The following PALM2AKAP2 variants were observed in gnomAD, a reference collection of about 807,000 sequenced individuals.
PALM2AKAP2 encodes the protein PALM2-AKAP2 fusion protein.
Under a neutral mutation model 71.5 loss-of-function variants are expected in PALM2AKAP2, and 37 were observed. The observed-to-expected ratio is 0.52, with a 90% CI of 0.40 to 0.68. The LOEUF (loss-of-function observed/expected upper bound fraction) is 0.68. Among genes scored for constraint, PALM2AKAP2 ranks in the 30% least tolerant of loss-of-function variants. The pLI is 0.00. For synonymous variants in PALM2AKAP2, 468 were observed against 478.8 expected, an observed-to-expected ratio of 0.98 and a Z score of 0.29; for missense variants, 1,224 against 1,191.8, an observed-to-expected ratio of 1.03 and a Z score of -0.40.
chr9:109,781,480 AG>A (rs1342764646), intron 1 of PALM2AKAP2, among the ~76,000 whole-genome samples: 1 of 152,264 alleles, frequency 6.6e-6, no homozygotes, highest in African/African-American at 2.4e-5. Context: ...TGTGTTTTTC[AG>A]TTCGGAAGTT....
intron 1 of PALM2AKAP2, among the ~76,000 whole-genome samples, chr9:110,095,566 T>A (rs530264452): frequency 1.3e-5 from 2 of 152,102 alleles, no homozygotes; most frequent in Non-Finnish European, 2.9e-5. Context: ...GACCCTCAGC[T>A]ATGAAAACAG....
rs79604742 is a variant in PALM2AKAP2 at position 109,858,772 on chromosome 9, G to A, written c.46-8719G>A. Among the ~76,000 whole-genome samples the A allele has an allele frequency of 1.1e-4, 16 of 152,222 alleles. No individual in the cohort carries two copies. In the East Asian group the frequency reaches 1.4e-3, roughly 13 times the overall value. On this transcript the variant is annotated intron_variant, in intron 1 of 9. Coordinates refer to the PALM2AKAP2 transcript ENST00000302798. The stretch of plus-strand genomic sequence containing the variant: ...GCTTATCAATGTGGTGTCATAAAGC[G>A]GGTCTTACTTTCTCATCAGAGCCCA...
At chr9:109,804,652 G>A (rs1256479580) in intron 1 of PALM2AKAP2, among the ~76,000 whole-genome samples, 1 of 152,154 alleles carries the variant, frequency 6.6e-6, no homozygotes, top group East Asian at 1.9e-4. Context: ...GCTAATGATG[G>A]TGGGGAAAAG....
intron 1 of PALM2AKAP2, among the ~76,000 whole-genome samples, chr9:109,710,951 A>G (rs74712583): frequency 0.044 from 6,443 of 146,602 alleles, 183 homozygotes; most frequent in Non-Finnish European, 0.055. Flanking sequence ...CGTGGCCACA[A>G]TTTGAAATCT....
intron 1 of PALM2AKAP2, among the ~76,000 whole-genome samples, chr9:109,648,769 G>A (rs1827186168): frequency 6.6e-6 from 1 of 152,164 alleles, no homozygotes; most frequent in African/African-American, 2.4e-5. Context: ...TTTCATCAAT[G>A]ACATCCTCTT....
At chr9:109,912,310 A>G (rs1830588741) in intron 3 of PALM2AKAP2, among the ~76,000 whole-genome samples, 1 of 143,822 alleles carries the variant, frequency 7.0e-6, no homozygotes, top group Admixed American at 7.0e-5. Context: ...TGACGTGAGG[A>G]AAAAAAAAAA....
At chr9:109,991,591 C>T (rs929503034) in intron 6 of PALM2AKAP2, among the ~76,000 whole-genome samples, 3 of 152,164 alleles carry the variant, frequency 2.0e-5, no homozygotes, top group African/African-American at 7.2e-5. Flanking sequence ...GTGTCACTTT[C>T]GAAGATTCTC....
rs533213150 is a variant in PALM2AKAP2, at chr9:109,717,077, G to A, written c.6-63411G>A. On this transcript the variant is annotated intron_variant, in intron 1 of 6. Transcript: ENST00000374531. ...CAGGCTGGTTGTGGGAGAAAGGCTT[G>A]GCTCCCACAGACAGCGCTGGCAAGT... Among the ~76,000 whole-genome samples, 3 of 152,104 alleles carry A rather than the reference G, an allele frequency of 2.0e-5. No homozygotes were observed. The South Asian group carries it at 6.2e-4, about 32-fold the overall frequency.
At chr9:110,064,896 G>A (rs1306656690) in intron 1 of PALM2AKAP2, among the ~76,000 whole-genome samples, 1 of 152,192 alleles carries the variant, frequency 6.6e-6, no homozygotes, top group Non-Finnish European at 1.5e-5. Flanking sequence ...CAGCCTATGA[G>A]ACAGGAAGAG....
intron 1 of PALM2AKAP2, among the ~76,000 whole-genome samples, chr9:109,757,408 C>G (rs1828980245): frequency 1.3e-5 from 2 of 152,188 alleles, no homozygotes; most frequent in South Asian, 2.1e-4. Flanking sequence ...ATGCCTGGTG[C>G]CCTTACCACT....
chr9:110,021,230 A>G (rs1453242660), intron 7 of PALM2AKAP2, among the ~76,000 whole-genome samples: 1 of 152,192 alleles, frequency 6.6e-6, no homozygotes. Flanking sequence ...AGGCCATGTA[A>G]GGGGACTGAG....
chr9:109,998,764 C>CAAAAAA (rs766171217), intron 6 of PALM2AKAP2, among the ~76,000 whole-genome samples: 2 of 70,800 alleles, frequency 2.8e-5, no homozygotes, highest in African/African-American at 1.1e-4. Flanking sequence ...GACCCTGTCG[C>CAAAAAA]AAAAAAAAAA....
At chr9:110,162,072 T>C (rs757444809) in intron 3 of PALM2AKAP2, 22 bp from the exon 10 acceptor site, 76 of 1,613,762 alleles carry the variant, frequency 4.7e-5, no homozygotes, top group Non-Finnish European at 6.2e-5. Context: ...GTACTAACCC[T>C]GGTCTTTTCC....
At chr9:109,834,090 G>C (rs1221857855) in intron 1 of PALM2AKAP2, among the ~76,000 whole-genome samples, 2 of 152,178 alleles carry the variant, frequency 1.3e-5, no homozygotes, top group Non-Finnish European at 1.5e-5. Flanking sequence ...GCATGCACCT[G>C]TAATCTCAGC....
At chr9:109,868,907 C>A (rs1587973592) in intron 2 of PALM2AKAP2, among the ~76,000 whole-genome samples, 4 of 152,192 alleles carry the variant, frequency 2.6e-5, no homozygotes, top group Admixed American at 6.5e-5. Context: ...CCTCTTCTCA[C>A]AGAGAGGGGG....
intron 3 of PALM2AKAP2, among the ~76,000 whole-genome samples, chr9:109,901,425 C>G (rs1326109353): frequency 2.0e-5 from 3 of 152,208 alleles, no homozygotes; most frequent in Non-Finnish European, 2.9e-5. Flanking sequence ...TTCCTGCTTT[C>G]ACTGAGTCAC....
chr9:110,108,679 T>C (rs917910480), intron 1 of PALM2AKAP2, among the ~76,000 whole-genome samples: 2 of 151,902 alleles, frequency 1.3e-5, no homozygotes, highest in African/African-American at 2.4e-5. Flanking sequence ...GTCTAAGGGG[T>C]GATGAAAAAA....
At position 110,059,075 on chromosome 9, in the gene PALM2AKAP2, T is replaced by A. The variant is rs569706403; in HGVS notation, c.156+10220T>A. 4.6e-5 allele frequency among the ~76,000 whole-genome samples: 7 copies of A among 152,200 alleles called. No homozygotes were observed. In the East Asian group the frequency reaches 1.4e-3, roughly 29 times the overall value. On this transcript the variant is annotated intron_variant, in intron 1 of 3. Coordinates refer to ENST00000374525, the Ensembl canonical transcript of PALM2AKAP2. ...CCACCACGCCCACGTAATTTTTGTA[T>A]TTTGGGTAGAGACAGGGTTTCACCA...
intron 1 of PALM2AKAP2, among the ~76,000 whole-genome samples, chr9:109,783,913 A>C (rs780143116): frequency 2.6e-5 from 4 of 152,230 alleles, no homozygotes; most frequent in Non-Finnish European, 5.9e-5. Flanking sequence ...CGCCCCCACC[A>C]ACAAAACTGA....
Sources: gnomAD v4.1 joint callset for allele counts (sites outside exome capture counted in the v4.1 genomes callset) on GRCh38, gnomAD v4.1.1 for gene constraint, MANE v1.5 for transcripts, NCBI Gene and HGNC (gene_info 2026-07-23, HGNC 2026-07-21) for gene names.